RYR2: variants seen among roughly 807,000 people sequenced by gnomAD.
RYR2 encodes cardiac muscle ryanodine receptor-calcium release channel.
Under a neutral mutation model 601.1 loss-of-function variants are expected in RYR2, and 227 were observed. That is an observed-to-expected ratio of 0.38 (90% CI 0.34 to 0.42). The LOEUF (loss-of-function observed/expected upper bound fraction) is 0.42, where lower values mean the gene tolerates loss of function less well. RYR2 is among the 10% of genes least tolerant of loss of function. The pLI, the probability that RYR2 is intolerant of heterozygous loss-of-function variation, is 1.00. For missense variants in RYR2, 4,646 were observed against 6,156.5 expected (o/e 0.75, Z 8.21); for synonymous variants, 2,223 against 2,175.1 (o/e 1.02, Z -0.61).
intron 2 of RYR2, among the ~76,000 whole-genome samples, chr1:237,272,236 T>C (rs2080679): frequency 0.49 from 74,493 of 151,802 alleles, 20,248 homozygotes; most frequent in East Asian, 0.78. Flanking sequence ...TATAGCTAAC[T>C]ATGTAAAACT....
intron 45 of RYR2, 52 bp downstream of exon 45, chr1:237,638,544 G>T: frequency 5.7e-6 from 9 of 1,576,924 alleles, no homozygotes; most frequent in Non-Finnish European, 7.8e-6. Flanking sequence ...ACTGCATAGA[G>T]ATATAATAAG....
intron 21 of RYR2, among the ~76,000 whole-genome samples, chr1:237,502,558 A>T (rs181337728): frequency 2.0e-5 from 3 of 152,184 alleles, no homozygotes; most frequent in African/African-American, 7.2e-5. Flanking sequence ...TTCGATTCTC[A>T]TAGGGAATGA....
intron 2 of RYR2, among the ~76,000 whole-genome samples, chr1:237,284,958 G>T (rs774415465): frequency 6.6e-6 from 1 of 151,948 alleles, no homozygotes; most frequent in Non-Finnish European, 1.5e-5. Context: ...CAAGGTAAAC[G>T]ATCATGTCAT....
In RYR2 at chr1:237,793,899, A is replaced by T; in HGVS notation, c.13815A>T (p.Glu4605Asp). The change falls in exon 95 of 105, where the codon GAA becomes GAT. Residue 4605 changes from glutamate to aspartate, a missense_variant. Physicochemically the swap from Glu to Asp is conservative, Grantham distance 45. Transcript: ENST00000366574. ...TGGTTATTTTTAAGCGAGAAAAGGA[A>T]GTGGCACGGAAATTGGAATTTGATG... Reference protein sequence around the residue: ...VPLVIFKREKEVARKLEFDGL... With the variant: ...VPLVIFKREKDVARKLEFDGL... 1 of 1,610,418 alleles carries T rather than the reference A, an allele frequency of 6.2e-7. No homozygotes were observed. Among genetic ancestry groups the T allele is most frequent in the Non-Finnish European group, 8.5e-7 (1 of 1,176,834 alleles).
intron 10 of RYR2, among the ~76,000 whole-genome samples, chr1:237,402,411 T>A (rs1024148640): frequency 1.1e-4 from 16 of 149,664 alleles, no homozygotes; most frequent in Non-Finnish European, 1.8e-4. Flanking sequence ...AAAAAAAATA[T>A]ATATATGTAT....
intron 27 of RYR2, among the ~76,000 whole-genome samples, chr1:237,557,944 A>G (rs1295407058): frequency 6.6e-6 from 1 of 152,186 alleles, no homozygotes; most frequent in African/African-American, 2.4e-5. Flanking sequence ...TCAATTACAT[A>G]TATAAGTACA....
intron 3 of RYR2, among the ~76,000 whole-genome samples, chr1:237,344,219 C>G (rs764746828): frequency 6.6e-6 from 1 of 152,184 alleles, no homozygotes; most frequent in South Asian, 2.1e-4. Flanking sequence ...TCGGATTATT[C>G]TCATGGCGTT....
At chr1:237,657,023 C>T (rs756534898) in intron 53 of RYR2, among the ~76,000 whole-genome samples, 1 of 152,126 alleles carries the variant, frequency 6.6e-6, no homozygotes, top group Non-Finnish European at 1.5e-5. Context: ...TTTTAAATAT[C>T]AGAACAATAT....
chr1:237,419,185 CA>C (rs886539627), intron 11 of RYR2, among the ~76,000 whole-genome samples: 1 of 151,840 alleles, frequency 6.6e-6, no homozygotes, highest in Non-Finnish European at 1.5e-5. Flanking sequence ...CCTTGTAAAA[CA>C]GATTGAATAT....
chr1:237,268,423 A>G (rs995236569), intron 1 of RYR2, among the ~76,000 whole-genome samples: 4 of 152,202 alleles, frequency 2.6e-5, no homozygotes. Flanking sequence ...TTTTTATTAT[A>G]GCCACACTGC....
At chr1:237,474,687 A>G (rs1468893436) in intron 17 of RYR2, among the ~76,000 whole-genome samples, 3 of 152,094 alleles carry the variant, frequency 2.0e-5, no homozygotes, top group African/African-American at 7.2e-5. Flanking sequence ...TTTGCTTCCC[A>G]AAGAAAGCCT....
At chr1:237,374,955 A>T (rs965076254) in intron 7 of RYR2, among the ~76,000 whole-genome samples, 160 bp downstream of exon 7, 6 of 152,302 alleles carry the variant, frequency 3.9e-5, no homozygotes, top group African/African-American at 1.4e-4. Context: ...GAAAGTGTAT[A>T]TCATTCCTCT....
At position 237,042,412 on chromosome 1, in the gene RYR2, C is replaced by A. The variant is rs1399465411; in HGVS notation, c.-110C>A. Reference sequence around the variant, plus strand: ...GCTCGGCACCCGGCAGCGCGGCCCCCTCCAGCCCCCGGCTCCCGGCAGCAG... The same window carrying A: ...GCTCGGCACCCGGCAGCGCGGCCCCATCCAGCCCCCGGCTCCCGGCAGCAG... On this transcript the variant is annotated 5_prime_UTR_variant, in exon 1 of 105. Coordinates refer to ENST00000366574, the MANE Select transcript of RYR2 (RefSeq NM_001035.3). 1.8e-5 allele frequency: 20 copies of A among 1,089,668 alleles called. No homozygotes were observed. The highest frequency in any genetic ancestry group is 2.1e-5 in the Non-Finnish European group (18 of 864,762). The allele number at this position is 1,089,668 out of a possible 1,614,324, so 67.5% of individuals were successfully genotyped here.
chr1:237,617,016 G>A (rs898161576), intron 37 of RYR2, among the ~76,000 whole-genome samples: 12 of 151,956 alleles, frequency 7.9e-5, no homozygotes, highest in African/African-American at 2.4e-4. Context: ...GACATGTGGG[G>A]GTTATTACAA....
At chr1:237,383,718 C>A (rs192536697) in intron 8 of RYR2, among the ~76,000 whole-genome samples, 5 of 152,038 alleles carry the variant, frequency 3.3e-5, no homozygotes, top group African/African-American at 1.2e-4. Flanking sequence ...CGTGAGCCAC[C>A]GCGCCTGGCC....
rs201200421 is a variant in RYR2 at position 237,635,348 on chromosome 1, T to C, written c.6792+356T>C. Among the ~76,000 whole-genome samples the C allele has an allele frequency of 1.2e-4, 19 of 152,316 alleles. No individual in the cohort carries two copies. The East Asian group carries it at 3.5e-3, about 28-fold the overall frequency. On this transcript the variant is annotated intron_variant, in intron 44 of 104. Coordinates refer to ENST00000366574, the MANE Select transcript of RYR2 (RefSeq NM_001035.3). ...GAGAACCAACGTTCTGTATCTGTAT[T>C]CTTATGTGTTTTTTTCTTTTCGTGA... is the stretch of plus-strand genomic sequence containing the variant.
chr1:237,515,629 TC>T (rs1666345105), intron 24 of RYR2, among the ~76,000 whole-genome samples: 1 of 55,564 alleles, frequency 1.8e-5, no homozygotes, highest in African/African-American at 7.0e-5. Context: ...CTCCCTCCCC[TC>T]CCTCCATCAC....
At chr1:237,481,880 T>C (rs76477645) in intron 17 of RYR2, among the ~76,000 whole-genome samples, 5,931 of 149,310 alleles carry the variant, frequency 0.04, 370 homozygotes, top group African/African-American at 0.14. Context: ...TGGAACTAGC[T>C]AGACCATGTC....
chr1:237,633,282 C>T (rs556389913), intron 42 of RYR2, among the ~76,000 whole-genome samples: 16 of 152,276 alleles, frequency 1.1e-4, no homozygotes, highest in East Asian at 3.9e-4. Context: ...CAGCTGATAG[C>T]GGTAGTGAGG....
Sources: gnomAD v4.1 joint callset for allele counts (sites outside exome capture counted in the v4.1 genomes callset) on GRCh38, gnomAD v4.1.1 for gene constraint, MANE v1.5 for transcripts, NCBI Gene and HGNC (gene_info 2026-07-23, HGNC 2026-07-21) for gene names.